The following SMCP variants were observed in gnomAD, a reference collection of about 807,000 sequenced individuals.
SMCP encodes the protein sperm mitochondrial-associated cysteine-rich protein.
For missense variants in SMCP, 137 were observed against 137.1 expected (o/e 1.00, Z 0.01); for synonymous variants, 41 against 46.9 (o/e 0.87, Z 0.51).
In SMCP at chr1:152,884,648, AC is replaced by A; in HGVS notation, c.228del (p.Lys77SerfsTer65). 7 of 1,614,180 alleles carry A rather than the reference AC, an allele frequency of 4.3e-6. No individual in the cohort carries two copies. Among genetic ancestry groups the A allele is most frequent in the Non-Finnish European group, 5.9e-6 (7 of 1,180,040 alleles). The part of the protein sequence containing the change: ...CIQARCCGLE[T>X]KPEVSPLNME... Reference sequence around the variant, plus strand: ...TCAGGCCAGGTGCTGTGGTTTGGAGACCAAGCCTGAAGTCTCACCCCTTAAC... The same window carrying A: ...TCAGGCCAGGTGCTGTGGTTTGGAGACAAGCCTGAAGTCTCACCCCTTAAC... On this transcript the variant is annotated frameshift_variant, in exon 2 of 2. Transcript: ENST00000368765. LOFTEE classifies it low-confidence loss of function (END_TRUNC).
Position 152,884,484 on chromosome 1 carries a change from C to T in SMCP, c.62C>T (p.Pro21Leu). ...CPAKGNQCCP[P>L]QQNQCCQSKG... ...GCAAAAGGCAATCAATGCTGCCCACCACAGCAGAACCAGTGCTGCCAGTCA... is the reference window on the plus strand; with the variant it reads ...GCAAAAGGCAATCAATGCTGCCCACTACAGCAGAACCAGTGCTGCCAGTCA... The change falls in exon 2 of 2, where the codon CCA becomes CTA. Residue 21 changes from proline to leucine, a missense_variant. By Grantham distance (98) the Pro-to-Leu change is moderately conservative. Coordinates refer to ENST00000368765, the MANE Select transcript of SMCP (RefSeq NM_030663.3). The T allele has an allele frequency of 1.9e-6, 3 of 1,614,008 alleles. No homozygotes were observed. Among genetic ancestry groups the T allele is most frequent in the African/African-American group, 1.3e-5 (1 of 75,008 alleles).
At chr1:152,879,456 A>C (rs1343863547) in intron 1 of SMCP, among the ~76,000 whole-genome samples, 3 of 152,118 alleles carry the variant, frequency 2.0e-5, no homozygotes, top group Non-Finnish European at 4.4e-5. Flanking sequence ...CCTGACCTCA[A>C]GTGATTCACC....
At chr1:152,884,375 T>C (rs368526151) in intron 1 of SMCP, 28 bp from the exon 2 acceptor site, 6 of 1,583,730 alleles carry the variant, frequency 3.8e-6, no homozygotes, top group Admixed American at 1.7e-5. Context: ...GATTTCCTTC[T>C]GATGAGAATA....
rs775238623 is a variant in SMCP at position 152,884,780 on chromosome 1, A to T, written c.*7A>T. 1 of 1,610,038 alleles carries T rather than the reference A, an allele frequency of 6.2e-7. No homozygotes were observed. Among genetic ancestry groups the T allele is most frequent in the Admixed American group, 1.7e-5 (1 of 59,602 alleles). ...GTCCAGGCCAAGCAAATGAGAGCAG[A>T]AGAAGTCAAACAAAGAAGAAGTCCC... On this transcript the variant is annotated 3_prime_UTR_variant, in exon 2 of 2. Transcript: ENST00000368765.
chr1:152,878,651 T>G (rs1240616439), intron 1 of SMCP, among the ~76,000 whole-genome samples: 1 of 152,120 alleles, frequency 6.6e-6, no homozygotes, highest in Admixed American at 6.5e-5. Flanking sequence ...GGGGTGGGGA[T>G]AGTGAGAATG....
At chr1:152,879,974 A>G (rs1167149099) in intron 1 of SMCP, among the ~76,000 whole-genome samples, 2 of 152,110 alleles carry the variant, frequency 1.3e-5, no homozygotes, top group Non-Finnish European at 2.9e-5. Context: ...GTAAAGATGG[A>G]CACTAACAAA....
chr1:152,882,975 C>G (rs1168236804), intron 1 of SMCP, among the ~76,000 whole-genome samples: 1 of 152,190 alleles, frequency 6.6e-6, no homozygotes, highest in African/African-American at 2.4e-5. Context: ...ACCTGGGAGG[C>G]AGAGGTTGCA....
At chr1:152,883,400 C>A (rs1649114079) in intron 1 of SMCP, among the ~76,000 whole-genome samples, 1 of 152,200 alleles carries the variant, frequency 6.6e-6, no homozygotes, top group Non-Finnish European at 1.5e-5. Flanking sequence ...ATCCTCTCAT[C>A]ATGTGCCATA....
At chr1:152,880,540 G>A (rs188735358) in intron 1 of SMCP, among the ~76,000 whole-genome samples, 45 of 151,988 alleles carry the variant, frequency 3.0e-4, no homozygotes, top group Middle Eastern at 3.4e-3. Context: ...GTTCTCTCTC[G>A]GGCAAGTCAA....
At position 152,884,565 on chromosome 1, in the gene SMCP, G is replaced by A. The variant is rs868568714; in HGVS notation, c.143G>A (p.Ser48Asn). ...KQNQCCQPKG[S>N]QCCPPKHNHC... Reference sequence around the variant, plus strand: ...AACCAGTGCTGCCAGCCAAAAGGCAGTCAATGCTGCCCACCAAAACACAAT... The same window carrying A: ...AACCAGTGCTGCCAGCCAAAAGGCAATCAATGCTGCCCACCAAAACACAAT... Residue 48 changes from serine to asparagine, a missense_variant, in exon 2 of 2, where the codon AGT (serine) becomes AAT (asparagine). Physicochemically the swap from Ser to Asn is conservative, Grantham distance 46 (BLOSUM62 1). Coordinates refer to ENST00000368765, the MANE Select transcript of SMCP (RefSeq NM_030663.3). The A allele has an allele frequency of 6.2e-7, 1 of 1,613,900 alleles. No homozygotes were observed. The highest frequency in any genetic ancestry group is 1.7e-5 in the Admixed American group (1 of 59,992).
intron 1 of SMCP, among the ~76,000 whole-genome samples, chr1:152,883,236 G>A (rs1649109990): frequency 6.6e-6 from 1 of 152,144 alleles, no homozygotes; most frequent in African/African-American, 2.4e-5. Context: ...TGGGTTTGTG[G>A]CTTTGTGAGC....
At chr1:152,883,606 T>A (rs1456446199) in intron 1 of SMCP, among the ~76,000 whole-genome samples, 2 of 152,154 alleles carry the variant, frequency 1.3e-5, no homozygotes, top group Non-Finnish European at 2.9e-5. Context: ...GTGGTTGAGT[T>A]TGAGGACACC....
intron 1 of SMCP, among the ~76,000 whole-genome samples, chr1:152,881,953 A>ATTATTTTATT (rs57985251): frequency 2.0e-5 from 3 of 152,042 alleles, no homozygotes; most frequent in East Asian, 4.0e-4. Context: ...ACCCCCAGAA[A>ATTATTTTATT]TTATTTTATT....
At chr1:152,884,281 C>T (rs775455637) in intron 1 of SMCP, 122 bp from the exon 2 acceptor site, 6 of 879,050 alleles carry the variant, frequency 6.8e-6, no homozygotes, top group Non-Finnish European at 8.6e-6. Flanking sequence ...TCCAGCTCTG[C>T]TTTCTCAACC....
chr1:152,884,531 C>T lies in SMCP; in HGVS notation c.109C>T (p.Pro37Ser), dbSNP rs1385384690. Residue 37 changes from proline (P) to serine (S), a missense_variant, in exon 2 of 2, where the codon CCA becomes TCA. By Grantham distance (74) the Pro-to-Ser change is moderately conservative (BLOSUM62 -1). Transcript: ENST00000368765. ...GTCAAAAGGCAATCAATGCTGCCCA[C>T]CAAAACAGAACCAGTGCTGCCAGCC... ...CQSKGNQCCP[P>S]KQNQCCQPKG... 6.2e-7 allele frequency: 1 copy of T among 1,614,008 alleles called. No homozygotes were observed. Among genetic ancestry groups the T allele is most frequent in the South Asian group, 1.1e-5 (1 of 91,050 alleles).
Position 152,884,625 on chromosome 1 carries a change from A to G in SMCP, c.203A>G (p.Gln68Arg). The change falls in exon 2 of 2, where the codon CAG (glutamine) becomes CGG (arginine). Residue 68 changes from glutamine (Q) to arginine (R), a missense_variant. Transcript: ENST00000368765. The part of the protein sequence containing the change: ...CCQPKPPCCI[Q>R]ARCCGLETKP... ...CAGCCAAAACCCCCATGCTGCATTC[A>G]GGCCAGGTGCTGTGGTTTGGAGACC... is the stretch of plus-strand genomic sequence containing the variant. 1 of 1,614,190 alleles carries G rather than the reference A, an allele frequency of 6.2e-7. No individual in the cohort carries two copies. Among genetic ancestry groups the G allele is most frequent in the Non-Finnish European group, 8.5e-7 (1 of 1,180,034 alleles).
chr1:152,879,191 T>C (rs1322882419), intron 1 of SMCP, among the ~76,000 whole-genome samples: 3 of 152,156 alleles, frequency 2.0e-5, no homozygotes, highest in Non-Finnish European at 4.4e-5. Context: ...GAAATGGAGC[T>C]TGGAGAGAAT....
chr1:152,881,037 G>T (rs550403219), intron 1 of SMCP, among the ~76,000 whole-genome samples: 21 of 152,068 alleles, frequency 1.4e-4, no homozygotes, highest in Non-Finnish European at 2.9e-4. Flanking sequence ...AAGTGAAAGT[G>T]AAGAGAGTCT....
intron 1 of SMCP, among the ~76,000 whole-genome samples, chr1:152,881,636 C>T (rs1649050278): frequency 6.9e-6 from 1 of 144,254 alleles, no homozygotes; most frequent in African/African-American, 2.7e-5. Context: ...TGCAGTGAGC[C>T]GAGATTGCGC....
Sources: allele counts gnomAD v4.1 joint callset (sites outside exome capture counted in the v4.1 genomes callset), GRCh38; gene constraint gnomAD v4.1.1; transcripts MANE v1.5; gene names NCBI Gene and HGNC (gene_info 2026-07-23, HGNC 2026-07-21).